The following PTPRU variants were observed in gnomAD, a reference collection of about 807,000 sequenced individuals.
The protein encoded by PTPRU is protein tyrosine phosphatase receptor type U.
In PTPRU, 69 loss-of-function variants were observed where a neutral mutation model predicts 166.3. That is an observed-to-expected ratio of 0.41 (90% confidence interval 0.34 to 0.51). The LOEUF is 0.51. Among genes scored for constraint, PTPRU ranks in the 20% least tolerant of loss-of-function variants. The pLI, the probability that PTPRU is intolerant of heterozygous loss-of-function variation, is 0.09. For missense variants in PTPRU, 1,657 were observed against 2,013.7 expected (o/e 0.82, Z 3.39); for synonymous variants, 793 against 814.0 (o/e 0.97, Z 0.44).
chr1:29,314,457 C>T (rs1687806839), intron 22 of PTPRU, among the ~76,000 whole-genome samples: 1 of 152,214 alleles, frequency 6.6e-6, no homozygotes, highest in Non-Finnish European at 1.5e-5. Flanking sequence ...GTCCACTCTC[C>T]TTCCCCCTCA....
chr1:29,318,903 G>A (rs1326353907), intron 25 of PTPRU, among the ~76,000 whole-genome samples: 1 of 152,254 alleles, frequency 6.6e-6, no homozygotes, highest in Admixed American at 6.5e-5. Context: ...GAGGGATGCC[G>A]ATGGGGAAGG....
Position 29,320,645 on chromosome 1 carries a change from G to C in PTPRU, c.3688-40G>C. Reference sequence around the variant, plus strand: ...GGCAGAGGCTCAGCCCAGGCCAGGGGCCGGGAACAGGGCCCTGCTGAGTTC... The same window carrying C: ...GGCAGAGGCTCAGCCCAGGCCAGGGCCCGGGAACAGGGCCCTGCTGAGTTC... On this transcript the variant is annotated intron_variant, in intron 25 of 29. Transcript: ENST00000373779. The surrounding 1 kb of genome is among the most constrained non-coding windows in gnomAD (Gnocchi z 5.2). The C allele has an allele frequency of 6.6e-7, 1 of 1,523,282 alleles. No individual in the cohort carries two copies. 94.4% of individuals were successfully genotyped at this position (1,523,282 alleles called of 1,614,324 possible).
rs1487661096 is a variant in PTPRU, at chr1:29,308,092, T to TA, written c.2821-2650dup. 2.6e-5 allele frequency among the ~76,000 whole-genome samples: 4 copies of TA among 151,868 alleles called. No homozygotes were observed. In the East Asian group the frequency reaches 7.8e-4, roughly 30 times the overall value. On this transcript the variant is annotated intron_variant, in intron 18 of 29. Transcript: ENST00000373779. ...CCTTTTAAAATTAAAAAAACTACCC[T>TA]AATTCATCTAGCTATTCTCTAATTT...
rs1687680342 is a variant in PTPRU at position 29,311,843 on chromosome 1, C to G, written c.3072+84C>G. The stretch of plus-strand genomic sequence containing the variant: ...CTCCCACTTCCCCCAGCCCTGGGAG[C>G]AGGAGGGTGAGGAGCGCACCACTGC... On this transcript the variant is annotated intron_variant, in intron 21 of 29. Transcript: ENST00000373779. The surrounding 1 kb of genome is among the most constrained non-coding windows in gnomAD (Gnocchi z 4.1). 7.3e-7 allele frequency: 1 copy of G among 1,364,692 alleles called. No homozygotes were observed. The highest frequency in any genetic ancestry group is 1.8e-5 in the Admixed American group (1 of 55,694). The allele number at this position is 1,364,692 out of a possible 1,614,324, so 84.5% of individuals were successfully genotyped here.
At chr1:29,323,327 G>T in intron 26 of PTPRU, 44 bp from the exon 27 acceptor site, 1 of 1,588,532 alleles carries the variant, frequency 6.3e-7, no homozygotes, top group Non-Finnish European at 8.6e-7. Context: ...GGTGAGCCCC[G>T]GCCAGGCTCT....
chr1:29,309,153 A>G (rs970398292), intron 18 of PTPRU, among the ~76,000 whole-genome samples: 1 of 152,138 alleles, frequency 6.6e-6, no homozygotes, highest in African/African-American at 2.4e-5. Flanking sequence ...TTGTCTTGCT[A>G]TTATCCTCAT....
At chr1:29,298,989 C>T (rs999070633) in intron 15 of PTPRU, among the ~76,000 whole-genome samples, 10 of 152,294 alleles carry the variant, frequency 6.6e-5, no homozygotes, top group African/African-American at 2.2e-4. Flanking sequence ...AACTTACTTG[C>T]TAATTGCAAA....
Position 29,280,171 on chromosome 1 carries a change from T to C in PTPRU, c.1868+30T>C, listed in dbSNP as rs1169367011. 1 of 1,569,190 alleles carries C rather than the reference T, an allele frequency of 6.4e-7. No individual in the cohort carries two copies. Among genetic ancestry groups the C allele is most frequent in the Non-Finnish European group, 8.8e-7 (1 of 1,141,936 alleles). Reference sequence around the variant, plus strand: ...GAAAGCGGGGACGGAGGGGTGGGAGTCCAGGGCCTTAGGAAAGAGGCCCCT... The same window carrying C: ...GAAAGCGGGGACGGAGGGGTGGGAGCCCAGGGCCTTAGGAAAGAGGCCCCT... On this transcript the variant is annotated intron_variant, in intron 11 of 29. Coordinates refer to ENST00000373779, the MANE Select transcript of PTPRU (RefSeq NM_133178.4). This position sits in a 1 kb window ranked among gnomAD's most constrained non-coding sequence, Gnocchi z 4.2.
At chr1:29,316,853 C>T (rs1333007191) in intron 24 of PTPRU, among the ~76,000 whole-genome samples, 2 of 152,094 alleles carry the variant, frequency 1.3e-5, no homozygotes, top group African/African-American at 4.8e-5. Flanking sequence ...TGGCTCTGGT[C>T]ACATGCCCAA....
intron 1 of PTPRU, among the ~76,000 whole-genome samples, chr1:29,244,404 G>T (rs1357288654): frequency 6.6e-6 from 1 of 150,746 alleles, no homozygotes. Flanking sequence ...GTGGATGATA[G>T]AACAAGGAGA....
At chr1:29,310,134 C>T (rs901372461) in intron 18 of PTPRU, among the ~76,000 whole-genome samples, 2 of 152,094 alleles carry the variant, frequency 1.3e-5, no homozygotes, top group Non-Finnish European at 2.9e-5. Context: ...CAGTACGTGA[C>T]CATAACAGGG....
In PTPRU at chr1:29,275,769, G is replaced by A; in HGVS notation, c.1453+13G>A. On this transcript the variant is annotated intron_variant, in intron 8 of 29. Transcript: ENST00000373779. ...ACGGATGAGGATGGTAAGAGTCTCA[G>A]TCCCAATTCCCGGGGCCCTGTGTAC... 1 of 1,611,084 alleles carries A rather than the reference G, an allele frequency of 6.2e-7. No individual in the cohort carries two copies. Among genetic ancestry groups the A allele is most frequent in the Non-Finnish European group, 8.5e-7 (1 of 1,177,522 alleles).
chr1:29,282,834 A>C lies in PTPRU; in HGVS notation c.2027A>C (p.Glu676Ala). Residue 676 changes from glutamate to alanine, a missense_variant, in exon 12 of 30, where the codon GAG (glutamate) becomes GCG (alanine). This residue lies in a region of PTPRU where 1,190 missense variants were observed against 1,477.4 expected (regional missense o/e 0.81). Transcript: ENST00000373779. ...GAACTGGCGGCCAGCAGTCTACCTG[A>C]GGCCATGCCCTTTACCGTGGGTGAC... ...GAELAASSLP[E>A]AMPFTVGDNQ... The C allele has an allele frequency of 6.2e-7, 1 of 1,614,158 alleles. No individual in the cohort carries two copies. Among genetic ancestry groups the C allele is most frequent in the South Asian group, 1.1e-5 (1 of 91,090 alleles).
chr1:29,304,770 G>T lies in PTPRU; in HGVS notation c.2668-4G>T, dbSNP rs373979112. The T allele has an allele frequency of 4.3e-5, 69 of 1,607,704 alleles. No individual in the cohort carries two copies. The African/African-American group carries it at 7.6e-4, about 18-fold the overall frequency. On this transcript the variant is annotated splice_region_variant and splice_polypyrimidine_tract_variant and intron_variant, in intron 16 of 29. Transcript: ENST00000373779. ...CCACTGACCACCACTTTTCTTTCTG[G>T]TAGAGCTTCTTTGAAGGCTGGGACG...
At chr1:29,307,107 T>C in intron 18 of PTPRU, 1 of 1,613,052 alleles carries the variant, frequency 6.2e-7, no homozygotes, top group East Asian at 2.2e-5. Flanking sequence ...CTTTGTACTG[T>C]TTCCTCACTG....
intron 25 of PTPRU, among the ~76,000 whole-genome samples, chr1:29,319,624 A>G (rs1186376584): frequency 6.6e-6 from 1 of 152,234 alleles, no homozygotes; most frequent in Non-Finnish European, 1.5e-5. Context: ...AGGAGCCTTC[A>G]GAGAGTCCTG....
In PTPRU at chr1:29,279,439, G is replaced by C; in HGVS notation, c.1564-17G>C. 1 of 1,612,730 alleles carries C rather than the reference G, an allele frequency of 6.2e-7. No homozygotes were observed. On this transcript the variant is annotated splice_polypyrimidine_tract_variant and intron_variant, in intron 9 of 29. Transcript: ENST00000373779. This position sits in a 1 kb window ranked among gnomAD's most constrained non-coding sequence, Gnocchi z 5.2. ...CTGACCATCCAGTGCCCACCTGCCT[G>C]CCAATCCTGCCCCCAGATCAGCTAC...
chr1:29,259,092 C>T (rs373158722), intron 3 of PTPRU, among the ~76,000 whole-genome samples, 169 bp from the exon 4 acceptor site: 11 of 152,254 alleles, frequency 7.2e-5, no homozygotes, highest in African/African-American at 2.6e-4. Flanking sequence ...TCACTATGGG[C>T]GCTGGGACCC....
chr1:29,306,151 T>TGCA (rs1161238174), intron 18 of PTPRU, among the ~76,000 whole-genome samples: 3 of 152,178 alleles, frequency 2.0e-5, no homozygotes, highest in African/African-American at 7.2e-5. Context: ...TGCCCCCTGC[T>TGCA]GCAGCAGCAG....
Sources: allele counts gnomAD v4.1 joint callset (sites outside exome capture counted in the v4.1 genomes callset), GRCh38; gene constraint gnomAD v4.1.1; regional missense constraint gnomAD v4.1.1; non-coding constraint Gnocchi (gnomAD v3.1); transcripts MANE v1.5; gene names NCBI Gene and HGNC (gene_info 2026-07-23, HGNC 2026-07-21).